Variants in SLC26A8 observed in about 807,000 individuals in gnomAD.
The protein encoded by SLC26A8 is solute carrier family 26 member 8, also known as testis anion transporter 1.
Under a neutral mutation model 105.0 loss-of-function variants are expected in SLC26A8, and 70 were observed. The observed-to-expected ratio is 0.67, with a 90% CI of 0.55 to 0.81. The LOEUF is 0.81. Among genes scored for constraint, SLC26A8 ranks in the 40% least tolerant of loss-of-function variants. The pLI, the probability that SLC26A8 is intolerant of heterozygous loss-of-function variation, is 0.00. For synonymous variants in SLC26A8, 415 were observed against 438.3 expected (o/e 0.95, Z 0.66); for missense variants, 998 against 1,181.8 (o/e 0.84, Z 2.28).
intron 11 of SLC26A8, among the ~76,000 whole-genome samples, chr6:35,968,641 A>G (rs1286492648): frequency 6.8e-5 from 7 of 103,444 alleles, no homozygotes; most frequent in Admixed American, 1.9e-4. Flanking sequence ...ATATATATAT[A>G]TATATATATA....
intron 5 of SLC26A8, among the ~76,000 whole-genome samples, chr6:35,994,111 C>CTTT (rs759838239): frequency 1.7e-5 from 2 of 118,532 alleles, no homozygotes; most frequent in Non-Finnish European, 3.6e-5. Context: ...CTTTTTTTTT[C>CTTT]TTTTCTTTTT....
chr6:35,984,319 A>ATTTTTT (rs59314649), intron 7 of SLC26A8, among the ~76,000 whole-genome samples: 3 of 116,544 alleles, frequency 2.6e-5, no homozygotes, highest in East Asian at 2.5e-4. Context: ...TCTTCTTCTT[A>ATTTTTT]TTTTTTTTTT....
At chr6:35,991,832 G>T in intron 6 of SLC26A8, 24 bp from the exon 7 acceptor site, 1 of 1,555,196 alleles carries the variant, frequency 6.4e-7, no homozygotes, top group South Asian at 1.2e-5. Context: ...AAATTACGGA[G>T]GCTTAGAAAG....
At chr6:35,984,102 G>A (rs1209740910) in intron 7 of SLC26A8, among the ~76,000 whole-genome samples, 1 of 152,080 alleles carries the variant, frequency 6.6e-6, no homozygotes, top group Admixed American at 6.6e-5. Flanking sequence ...CATGACATGT[G>A]TATAGGTAGT....
At chr6:35,950,565 G>A (rs184031305) in intron 19 of SLC26A8, among the ~76,000 whole-genome samples, 8 of 152,226 alleles carry the variant, frequency 5.3e-5, no homozygotes, top group South Asian at 4.1e-4. Context: ...GATTACAGGC[G>A]TGAGCCATCG....
At position 36,024,636 on chromosome 6, in the gene SLC26A8, C is replaced by A. The variant is rs754367725; in HGVS notation, c.-135G>T. On this transcript the variant is annotated 5_prime_UTR_variant, in exon 1 of 20. Transcript: ENST00000490799. ...TGGCCTAGCCCGCGGGCGTTCCGGG[C>A]GGGCTGAGGAGATGAGAGTGGGGGA... The A allele has an allele frequency of 6.5e-5, 25 of 384,392 alleles. No individual in the cohort carries two copies. The highest frequency in any genetic ancestry group is 4.2e-4 in the South Asian group (23 of 54,470). 23.8% of individuals were successfully genotyped at this position (384,392 alleles called of 1,614,324 possible).
At chr6:35,992,456 T>C (rs963571164) in intron 6 of SLC26A8, 54 bp downstream of exon 6, 2 of 1,555,032 alleles carry the variant, frequency 1.3e-6, no homozygotes, top group Non-Finnish European at 1.7e-6. Context: ...CACTTTTCTT[T>C]GGAGGCAAGA....
intron 11 of SLC26A8, among the ~76,000 whole-genome samples, chr6:35,965,144 T>C (rs1772458682): frequency 6.6e-6 from 1 of 152,172 alleles, no homozygotes; most frequent in Admixed American, 6.5e-5. Flanking sequence ...CAAAGTGATA[T>C]CCATTTTTAG....
At chr6:35,989,006 A>G (rs1272779826) in intron 7 of SLC26A8, among the ~76,000 whole-genome samples, 10 of 151,822 alleles carry the variant, frequency 6.6e-5, no homozygotes, top group Non-Finnish European at 1.3e-4. Flanking sequence ...TCGCCCGGCT[A>G]AGTTTTTGTA....
chr6:35,962,755 G>A lies in SLC26A8; in HGVS notation c.1366-134C>T, dbSNP rs1772365678. 7.1e-6 allele frequency: 5 copies of A among 701,322 alleles called. No individual in the cohort carries two copies. In the South Asian group the frequency reaches 8.9e-5, roughly 13 times the overall value. 43.4% of individuals were successfully genotyped at this position (701,322 alleles called of 1,614,324 possible). A position where few individuals can be genotyped will look rare whatever the true frequency, so the allele number is the denominator to read the frequency against. On this transcript the variant is annotated intron_variant, in intron 11 of 19. Transcript: ENST00000490799. Reference sequence around the variant, plus strand: ...CATTGATATTTTATATGAATACCATGTCTATGTTCCAACTCATTGTCCAAT... The same window carrying A: ...CATTGATATTTTATATGAATACCATATCTATGTTCCAACTCATTGTCCAAT...
intron 2 of SLC26A8, 54 bp from the exon 3 acceptor site, chr6:36,012,426 A>G: frequency 6.5e-7 from 1 of 1,527,268 alleles, no homozygotes; most frequent in South Asian, 1.3e-5. Flanking sequence ...AAATGCCCGC[A>G]TAGCCAAGAA....
At chr6:35,967,665 T>A (rs1264829783) in intron 11 of SLC26A8, among the ~76,000 whole-genome samples, 1 of 152,106 alleles carries the variant, frequency 6.6e-6, no homozygotes, top group South Asian at 2.1e-4. Flanking sequence ...TTCACACAAA[T>A]GCAGAACAAG....
At position 35,944,208 on chromosome 6, in the gene SLC26A8, C is replaced by G. The variant is rs762455280; in HGVS notation, c.2605G>C (p.Glu869Gln). The change falls in exon 20 of 20, where the codon GAG (glutamate) becomes CAG (glutamine). Residue 869 changes from glutamate (E) to glutamine (Q), a missense_variant. Transcript: ENST00000490799. ...ELDLELESEQEAGLGLDLDLD... is the reference protein window; with the variant it reads ...ELDLELESEQQAGLGLDLDLD... ...TCTAGGTCCAGACCCAGCCCAGCCT[C>G]TTGTTCTGATTCCAGCTCCAAATCC... 4 of 1,614,062 alleles carry G rather than the reference C, an allele frequency of 2.5e-6. No individual in the cohort carries two copies.
intron 3 of SLC26A8, among the ~76,000 whole-genome samples, chr6:36,009,273 C>G (rs538612096): frequency 6.6e-6 from 1 of 152,218 alleles, no homozygotes; most frequent in East Asian, 1.9e-4. Context: ...ATTGCTTGAA[C>G]CCGGGTGGCA....
intron 1 of SLC26A8, 73 bp downstream of exon 1, chr6:36,024,431 C>CCGGTGA (rs1338843810): frequency 2.2e-6 from 1 of 450,546 alleles, no homozygotes; most frequent in Non-Finnish European, 4.4e-6. Flanking sequence ...TGGGTACCTG[C>CCGGTGA]CGGTGACGGA....
At chr6:35,982,006 G>A in intron 8 of SLC26A8, 115 bp downstream of exon 8, 1 of 1,042,826 alleles carries the variant, frequency 9.6e-7, no homozygotes. Context: ...GTTCAAAAAT[G>A]AATTTTGCTT....
In SLC26A8 at chr6:35,951,334, C is replaced by T. The variant is rs746657565; in HGVS notation, c.2301G>A (p.Arg767=). Residue 767 remains arginine (R), a synonymous_variant, in exon 19 of 20, where the codon AGG becomes AGA. Coordinates refer to ENST00000490799, the MANE Select transcript of SLC26A8 (RefSeq NM_052961.4). Reference sequence around the variant, plus strand: ...CAAAGAAATCATTCCTCTCAAATGCCCTGACTATGGAAGCTAAAAACCAAA... The same window carrying T: ...CAAAGAAATCATTCCTCTCAAATGCTCTGACTATGGAAGCTAAAAACCAAA... The part of the protein sequence containing the change: ...LIAGCHSSIV[R]AFERNDFFDA... 6.2e-7 allele frequency: 1 copy of T among 1,614,100 alleles called. No individual in the cohort carries two copies.
At position 35,981,528 on chromosome 6, in the gene SLC26A8, T is replaced by C. The variant is rs141462455; in HGVS notation, c.1025+593A>G. On this transcript the variant is annotated intron_variant, in intron 8 of 19. Transcript: ENST00000490799. The surrounding 1 kb of genome is among the most constrained non-coding windows in gnomAD (Gnocchi z 4.0). The stretch of plus-strand genomic sequence containing the variant: ...GTGGCAGTGCACGGCGGTGTACACC[T>C]GTAGTCCCAACTACTCAGAGAGCTG... Among the ~76,000 whole-genome samples the C allele has an allele frequency of 5.8e-4, 88 of 152,308 alleles. No individual in the cohort carries two copies. Among genetic ancestry groups the C allele is most frequent in the Admixed American group, 1.2e-3 (19 of 15,294 alleles).
chr6:35,964,562 G>C (rs766114333), intron 11 of SLC26A8, among the ~76,000 whole-genome samples: 1 of 151,850 alleles, frequency 6.6e-6, no homozygotes, highest in Non-Finnish European at 1.5e-5. Context: ...CATGAGAATC[G>C]CTTGAACCTG....
Sources: allele counts gnomAD v4.1 joint callset (sites outside exome capture counted in the v4.1 genomes callset), GRCh38; gene constraint gnomAD v4.1.1; non-coding constraint Gnocchi (gnomAD v3.1); transcripts MANE v1.5; gene names NCBI Gene and HGNC (gene_info 2026-07-23, HGNC 2026-07-21).